Variants in PCDH15 observed in about 807,000 individuals in gnomAD.
PCDH15 encodes the protein protocadherin-15.
In PCDH15, 129 loss-of-function variants were observed where a neutral mutation model predicts 178.5. The ratio of observed to expected loss-of-function variants is 0.72; its 90% CI spans 0.63 to 0.84. The LOEUF is 0.84. Ranked by LOEUF, PCDH15 falls within the 40% of genes least tolerant of loss-of-function variation. The pLI, the probability that PCDH15 is intolerant of heterozygous loss-of-function variation, is 0.00. For synonymous variants in PCDH15, 800 were observed against 732.0 expected, an observed-to-expected ratio of 1.09 and a Z score of -1.50; for missense variants, 2,230 against 2,099.9, an observed-to-expected ratio of 1.06 and a Z score of -1.21.
intron 2 of PCDH15, among the ~76,000 whole-genome samples, chr10:54,660,943 C>T (rs2094480501): frequency 6.6e-6 from 1 of 151,760 alleles, no homozygotes; most frequent in Admixed American, 6.6e-5. Context: ...ACAAACTAGG[C>T]ATTGAAAAAA....
intron 21 of PCDH15, among the ~76,000 whole-genome samples, chr10:53,975,116 TTC>T (rs1475998597): frequency 3.9e-5 from 6 of 152,224 alleles, no homozygotes; most frequent in African/African-American, 1.4e-4. Flanking sequence ...CGTGCTTTCA[TTC>T]TTTTTTATGT....
intron 2 of PCDH15, among the ~76,000 whole-genome samples, chr10:54,651,717 G>A (rs1340424558): frequency 1.3e-5 from 2 of 152,098 alleles, no homozygotes; most frequent in South Asian, 2.1e-4. Flanking sequence ...GCAGAAGAGC[G>A]AGAAAATGAA....
intron 13 of PCDH15, among the ~76,000 whole-genome samples, chr10:54,167,201 TGAGA>T (rs1361839988): frequency 6.6e-6 from 1 of 152,158 alleles, no homozygotes; most frequent in Non-Finnish European, 1.5e-5. Context: ...CTTTGCTCCC[TGAGA>T]AAGATCCACC....
chr10:54,267,435 A>G (rs2057763917), intron 8 of PCDH15, among the ~76,000 whole-genome samples: 1 of 151,902 alleles, frequency 6.6e-6, no homozygotes, highest in South Asian at 2.1e-4. Flanking sequence ...ATGATCGACC[A>G]ACAGCAAGAA....
intron 2 of PCDH15, among the ~76,000 whole-genome samples, chr10:55,133,227 G>A (rs1361737486): frequency 6.6e-6 from 1 of 152,010 alleles, no homozygotes; most frequent in African/African-American, 2.4e-5. Flanking sequence ...GGTCACTATT[G>A]GTGTCAAGGT....
At chr10:55,217,805 G>C (rs938524186) in intron 1 of PCDH15, among the ~76,000 whole-genome samples, 5 of 151,834 alleles carry the variant, frequency 3.3e-5, no homozygotes, top group Admixed American at 3.3e-4. Flanking sequence ...TAATCAAATG[G>C]TATTTTATGT....
intron 5 of PCDH15, among the ~76,000 whole-genome samples, chr10:54,356,813 T>C (rs1262398684): frequency 1.3e-5 from 2 of 152,116 alleles, no homozygotes; most frequent in Non-Finnish European, 2.9e-5. Context: ...TTATCCACCA[T>C]GATCAAGTGG....
upstream of PCDH15, among the ~76,000 whole-genome samples, chr10:54,805,830 A>C (rs1263699319): frequency 6.6e-6 from 1 of 152,332 alleles, no homozygotes; most frequent in East Asian, 1.9e-4. Context: ...AATGTGATTT[A>C]GTAAAATATG....
intron 2 of PCDH15, among the ~76,000 whole-genome samples, chr10:55,482,722 T>A (rs1840209536): frequency 6.6e-6 from 1 of 151,832 alleles, no homozygotes; most frequent in Admixed American, 6.6e-5. Context: ...GGAGGTAACC[T>A]GGTCTTTCTC....
At chr10:54,609,568 A>G (rs1422098781) in intron 2 of PCDH15, among the ~76,000 whole-genome samples, 4 of 151,986 alleles carry the variant, frequency 2.6e-5, no homozygotes, top group South Asian at 4.1e-4. Flanking sequence ...CAAAATCTCC[A>G]TCTATCAACA....
intron 21 of PCDH15, among the ~76,000 whole-genome samples, chr10:53,991,973 C>T (rs1000187329): frequency 5.3e-5 from 8 of 152,042 alleles, no homozygotes; most frequent in African/African-American, 9.7e-5. Flanking sequence ...CCCCTTCCAC[C>T]CTGTGGAAGC....
At chr10:54,198,747 C>T (rs1229876786) in intron 10 of PCDH15, among the ~76,000 whole-genome samples, 1 of 94,994 alleles carries the variant, frequency 1.1e-5, no homozygotes, top group African/African-American at 8.9e-5. Context: ...GTGATCCGCC[C>T]GCCTCGGCCT....
intron 21 of PCDH15, among the ~76,000 whole-genome samples, chr10:53,985,696 C>T (rs746785072): frequency 9.2e-5 from 14 of 152,044 alleles, no homozygotes; most frequent in Admixed American, 2.0e-4. Flanking sequence ...AGGCATAGCA[C>T]CTTCCTGACT....
intron 1 of PCDH15, among the ~76,000 whole-genome samples, chr10:55,270,930 C>T (rs539370744): frequency 5.9e-5 from 9 of 152,164 alleles, no homozygotes; most frequent in East Asian, 1.9e-4. Flanking sequence ...ATATGGTACA[C>T]GTACACCATG....
intron 5 of PCDH15, among the ~76,000 whole-genome samples, chr10:54,367,065 T>C (rs920496040): frequency 6.6e-6 from 1 of 152,050 alleles, no homozygotes; most frequent in African/African-American, 2.4e-5. Flanking sequence ...ATAAATCAAG[T>C]AAAAGAGATG....
chr10:55,182,510 A>G (rs1839677841), intron 1 of PCDH15, among the ~76,000 whole-genome samples: 1 of 152,012 alleles, frequency 6.6e-6, no homozygotes, highest in African/African-American at 2.4e-5. Flanking sequence ...TGGACAGGTT[A>G]CTTTACCTAT....
intron 2 of PCDH15, among the ~76,000 whole-genome samples, chr10:54,572,691 G>C (rs939260328): frequency 1.3e-5 from 2 of 152,072 alleles, no homozygotes; most frequent in African/African-American, 2.4e-5. Context: ...ACTGCTTCAA[G>C]TATTATTACA....
intron 2 of PCDH15, among the ~76,000 whole-genome samples, chr10:55,356,652 A>G (rs934424703): frequency 6.6e-6 from 1 of 151,954 alleles, no homozygotes; most frequent in African/African-American, 2.4e-5. Context: ...TATAAAAATA[A>G]CAGACGTTGT....
intron 1 of PCDH15, among the ~76,000 whole-genome samples, chr10:55,281,687 ATCCATATATTAACCTGGC>A (rs1376427532): frequency 2.0e-5 from 3 of 152,148 alleles, no homozygotes; most frequent in Non-Finnish European, 4.4e-5. Flanking sequence ...CGTGGATCAA[ATCCATATATTAACCTGGC>A]TCACAAAAAC....
Sources: allele counts gnomAD v4.1 joint callset (sites outside exome capture counted in the v4.1 genomes callset), GRCh38; gene constraint gnomAD v4.1.1; transcripts MANE v1.5; gene names NCBI Gene and HGNC (gene_info 2026-07-23, HGNC 2026-07-21).